AKAP13: variants seen among roughly 807,000 people sequenced by gnomAD.
AKAP13 encodes the protein A-kinase anchor protein 13.
Under a neutral mutation model 264.5 loss-of-function variants are expected in AKAP13, and 80 were observed. That is an observed-to-expected ratio of 0.30 (90% CI 0.25 to 0.36). AKAP13 has a LOEUF of 0.36. Ranked by LOEUF, AKAP13 falls within the 10% of genes least tolerant of loss-of-function variation. The probability of loss-of-function intolerance (pLI) is 1.00; values close to 1 mark genes in which losing one functional copy is unlikely to be tolerated. For synonymous variants in AKAP13, 1,380 were observed against 1,250.2 expected (o/e 1.10, Z -2.19); for missense variants, 3,712 against 3,435.2 (o/e 1.08, Z -2.01).
chr15:85,588,200 A>G (rs949842959), intron 8 of AKAP13, among the ~76,000 whole-genome samples: 6 of 152,204 alleles, frequency 3.9e-5, no homozygotes, highest in African/African-American at 1.4e-4. Flanking sequence ...GATTGTTTCA[A>G]GAGTATGAAC....
rs71141472 is a variant in AKAP13, at chr15:85,630,234, A to AACACACACACACACACACACAC, written c.4162-9128_4162-9107dup. 4.4e-3 allele frequency among the ~76,000 whole-genome samples: 522 copies of AACACACACACACACACACACAC among 119,106 alleles called. 5 individuals are homozygous for AACACACACACACACACACACAC. The highest frequency in any genetic ancestry group is 8.8e-3 in the East Asian group (35 of 3,992). 78.1% of individuals were successfully genotyped at this position (119,106 alleles called of 152,430 possible). On this transcript the variant is annotated intron_variant, in intron 8 of 36. Coordinates refer to ENST00000394518, the MANE Select transcript of AKAP13 (RefSeq NM_007200.5). Reference sequence around the variant, plus strand: ...ATCATGAACTAAGATGGAAAATTGTAACACACACACACACACACACACACA... The same window carrying AACACACACACACACACACACAC: ...ATCATGAACTAAGATGGAAAATTGTAACACACACACACACACACACACACACACACACACACACACACACACA...
At chr15:85,631,487 C>CTG (rs1347183605) in intron 8 of AKAP13, among the ~76,000 whole-genome samples, 3 of 59,594 alleles carry the variant, frequency 5.0e-5, no homozygotes, top group African/African-American at 1.7e-4. Flanking sequence ...CACACTTTCT[C>CTG]TCTCTCTCTC....
intron 5 of AKAP13, among the ~76,000 whole-genome samples, chr15:85,561,674 A>C (rs1449315076): frequency 1.3e-5 from 2 of 152,154 alleles, no homozygotes; most frequent in Admixed American, 1.3e-4. Flanking sequence ...TTTTTTCGAG[A>C]TCTTGAAACC....
At position 85,655,407 on chromosome 15, in the gene AKAP13, T is replaced by G; in HGVS notation, c.4375-10T>G. 6.2e-7 allele frequency: 1 copy of G among 1,609,828 alleles called. No homozygotes were observed. The highest frequency in any genetic ancestry group is 2.2e-5 in the East Asian group (1 of 44,800). On this transcript the variant is annotated splice_polypyrimidine_tract_variant and intron_variant, in intron 10 of 36. Transcript: ENST00000394518. ...TGGCTTCAACCATATGTGCTTTCTC[T>G]CCATTACAGCCAGAGGAAGAGCATT...
At chr15:85,449,268 A>T (rs2150974350) in intron 1 of AKAP13, among the ~76,000 whole-genome samples, 1 of 152,208 alleles carries the variant, frequency 6.6e-6, no homozygotes, top group South Asian at 2.1e-4. Flanking sequence ...ATTTTTGTAC[A>T]TTGATTTTTA....
intron 2 of AKAP13, among the ~76,000 whole-genome samples, chr15:85,500,546 A>G (rs1316749915): frequency 6.6e-6 from 1 of 152,192 alleles, no homozygotes; most frequent in African/African-American, 2.4e-5. Context: ...CAAGTACAAC[A>G]TTGGGAACAT....
chr15:85,519,502 A>G (rs2076734527), intron 2 of AKAP13, among the ~76,000 whole-genome samples: 1 of 152,052 alleles, frequency 6.6e-6, no homozygotes, highest in Non-Finnish European at 1.5e-5. Context: ...TGAGAAATGG[A>G]CTCTTCTCAT....
chr15:85,400,858 G>GTA lies in AKAP13; in HGVS notation c.-12+20076_-12+20077dup, dbSNP rs71460458. Among the ~76,000 whole-genome samples, 74 of 108,254 alleles carry GTA rather than the reference G, an allele frequency of 6.8e-4. No homozygotes were observed. In the East Asian group the frequency reaches 0.012, roughly 17 times the overall value. 71.0% of individuals were successfully genotyped at this position (108,254 alleles called of 152,430 possible). A position where few individuals can be genotyped will look rare whatever the true frequency, so the allele number is the denominator to read the frequency against. On this transcript the variant is annotated intron_variant, in intron 1 of 36. Transcript: ENST00000394518. ...ATTTAGTAGCCATATATATATATAT[G>GTA]TATATATATATATATATTTTTTTTT... is the stretch of plus-strand genomic sequence containing the variant.
At position 85,588,929 on chromosome 15, in the gene AKAP13, T is replaced by C. The variant is rs188055101; in HGVS notation, c.4161+3106T>C. 5.4e-4 allele frequency among the ~76,000 whole-genome samples: 83 copies of C among 152,350 alleles called. No individual in the cohort carries two copies. In the East Asian group the frequency reaches 0.012, roughly 22 times the overall value. On this transcript the variant is annotated intron_variant, in intron 8 of 36. Transcript: ENST00000394518. The stretch of plus-strand genomic sequence containing the variant: ...GTAATTTATCTCTAGCTGCGAGATA[T>C]CAATGCCTTATGCTTTGTGTTTGCT...
chr15:85,522,784 C>G (rs1307505862), intron 3 of AKAP13, among the ~76,000 whole-genome samples: 2 of 152,134 alleles, frequency 1.3e-5, no homozygotes, highest in Non-Finnish European at 2.9e-5. Flanking sequence ...ATTCCTGACC[C>G]CTTTGCTTTG....
At chr15:85,702,758 T>A (rs1000557679) in intron 17 of AKAP13, 5 of 152,226 alleles carry the variant, frequency 3.3e-5, no homozygotes, top group Admixed American at 3.3e-4. Flanking sequence ...ACGCTACTCT[T>A]GCTTTAGGAT....
At chr15:85,606,111 T>G (rs1057121078) in intron 8 of AKAP13, among the ~76,000 whole-genome samples, 5 of 140,876 alleles carry the variant, frequency 3.5e-5, no homozygotes, top group African/African-American at 1.4e-4. Context: ...TTTTTTTTTT[T>G]TTTTTGTTGA....
At chr15:85,614,415 A>G (rs1256584215) in intron 8 of AKAP13, among the ~76,000 whole-genome samples, 5 of 152,182 alleles carry the variant, frequency 3.3e-5, no homozygotes, top group Non-Finnish European at 4.4e-5. Flanking sequence ...TGTTCATTCT[A>G]TTTTTGTAAG....
intron 8 of AKAP13, among the ~76,000 whole-genome samples, chr15:85,610,470 A>C (rs1387020864): frequency 1.3e-5 from 2 of 152,224 alleles, no homozygotes; most frequent in African/African-American, 4.8e-5. Context: ...AAGTATACAA[A>C]AGGATAGTCG....
At chr15:85,482,621 C>T (rs564462434) in intron 1 of AKAP13, among the ~76,000 whole-genome samples, 13 of 152,282 alleles carry the variant, frequency 8.5e-5, no homozygotes, top group East Asian at 5.8e-4. Context: ...CACGTTTTAA[C>T]GTCAGACTGG....
chr15:85,658,175 G>A (rs1477950814), intron 11 of AKAP13, among the ~76,000 whole-genome samples: 2 of 152,044 alleles, frequency 1.3e-5, no homozygotes, highest in Admixed American at 1.3e-4. Flanking sequence ...TAATTAGTTT[G>A]GCTAATTGTT....
chr15:85,413,035 A>T (rs1331256350), intron 1 of AKAP13, among the ~76,000 whole-genome samples: 1 of 152,212 alleles, frequency 6.6e-6, no homozygotes, highest in Non-Finnish European at 1.5e-5. Flanking sequence ...TTTAAGTTGA[A>T]ATTGAAAGCC....
At chr15:85,531,795 A>ATTC (rs2077250772) in intron 3 of AKAP13, among the ~76,000 whole-genome samples, 1 of 152,156 alleles carries the variant, frequency 6.6e-6, no homozygotes, top group South Asian at 2.1e-4. Context: ...TGTTCATGTG[A>ATTC]AGACTTATCT....
At position 85,735,167 on chromosome 15, in the gene AKAP13, C is replaced by A; in HGVS notation, c.7441+17C>A. On this transcript the variant is annotated intron_variant, in intron 31 of 36. Coordinates refer to ENST00000394518, the MANE Select transcript of AKAP13 (RefSeq NM_007200.5). ...CTTCAAAAGGTAAATGATGTGAAGT[C>A]ATGAGCTTTTATAGGCAATCCTTGA... 4 of 1,610,322 alleles carry A rather than the reference C, an allele frequency of 2.5e-6. No homozygotes were observed. Among genetic ancestry groups the A allele is most frequent in the Non-Finnish European group, 2.5e-6 (3 of 1,178,142 alleles).
Sources: gnomAD v4.1 joint callset for allele counts (sites outside exome capture counted in the v4.1 genomes callset) on GRCh38, gnomAD v4.1.1 for gene constraint, MANE v1.5 for transcripts, NCBI Gene and HGNC (gene_info 2026-07-23, HGNC 2026-07-21) for gene names.